The following ERICH2 variants were observed in gnomAD, a reference collection of about 807,000 sequenced individuals.
ERICH2 encodes glutamate-rich protein 2.
ERICH2 carries 17 observed loss-of-function variants against 17.4 expected under a neutral mutation model. The observed-to-expected ratio is 0.98, with a 90% CI of 0.67 to 1.47. The LOEUF is 1.47. ERICH2 is among the 40% of genes most tolerant of loss of function. The probability of loss-of-function intolerance (pLI) is 0.00; values close to 1 mark genes in which losing one functional copy is unlikely to be tolerated. For missense variants in ERICH2, 186 were observed against 183.2 expected (o/e 1.01, Z -0.09); for synonymous variants, 51 against 61.1 (o/e 0.83, Z 0.77).
chr2:170,786,444 A>T (rs894070926), intron 2 of ERICH2, among the ~76,000 whole-genome samples: 1 of 151,754 alleles, frequency 6.6e-6, no homozygotes, highest in African/African-American at 2.4e-5. Context: ...CTTCCATATT[A>T]TTTTATTTCA....
chr2:170,795,737 C>G (rs1032675205), intron 3 of ERICH2, among the ~76,000 whole-genome samples: 8 of 152,130 alleles, frequency 5.3e-5, no homozygotes, highest in Non-Finnish European at 1.0e-4. Context: ...AGATTTGGTG[C>G]CAATCAATCT....
chr2:170,773,290 C>T, the ERICH2 span, among the ~76,000 whole-genome samples: 1 of 152,226 alleles, frequency 6.6e-6, no homozygotes, highest in Non-Finnish European at 1.5e-5. Flanking sequence ...TAGGAAAGAA[C>T]AAGGGCAGCT....
the ERICH2 span, chr2:170,771,022 C>A: frequency 6.7e-6 from 1 of 150,174 alleles, no homozygotes; most frequent in South Asian, 2.0e-4. The surrounding 1 kb of genome is among the most constrained non-coding windows in gnomAD (Gnocchi z 4.8). Context: ...CCCAATTCCC[C>A]CAGCCCCCAC....
At chr2:170,780,051 A>T (rs761441498), upstream of ERICH2, among the ~76,000 whole-genome samples, 2 of 152,236 alleles carry the variant, frequency 1.3e-5, no homozygotes, top group African/African-American at 4.8e-5. Context: ...AACTTAGGTT[A>T]TCTGCCCTCT....
the ERICH2 span, among the ~76,000 whole-genome samples, chr2:170,772,013 A>G: frequency 2.2e-4 from 33 of 152,346 alleles, no homozygotes; most frequent in African/African-American, 7.9e-4. Context: ...CCCCAAATCC[A>G]ACTTATTTTT....
chr2:170,772,111 C>A, the ERICH2 span, among the ~76,000 whole-genome samples: 3 of 152,070 alleles, frequency 2.0e-5, no homozygotes, highest in African/African-American at 4.8e-5. Flanking sequence ...TTTCTCTTTA[C>A]GTGTTAAGAG....
chr2:170,792,866 C>T, exon 3 of ERICH2: 1 of 1,509,924 alleles, frequency 6.6e-7, no homozygotes, highest in Non-Finnish European at 8.9e-7. Flanking sequence ...TTTCCAGTTT[C>T]TGAGAGCAGA....
upstream of ERICH2, among the ~76,000 whole-genome samples, chr2:170,780,704 G>A (rs1402324213): frequency 6.6e-6 from 1 of 151,780 alleles, no homozygotes; most frequent in Admixed American, 6.6e-5. Flanking sequence ...CTTATATTTG[G>A]CAATATATTT....
intron 4 of ERICH2, 41 bp from the exon 10 acceptor site, chr2:170,798,729 T>C (rs995896699): frequency 1.3e-6 from 2 of 1,546,376 alleles, no homozygotes; most frequent in African/African-American, 2.7e-5. Context: ...GAGTGAAATA[T>C]TAAGAAACAC....
At chr2:170,791,654 C>G in intron 2 of ERICH2, among the ~76,000 whole-genome samples, 1 of 151,502 alleles carries the variant, frequency 6.6e-6, no homozygotes, top group Non-Finnish European at 1.5e-5. Context: ...CGCGCCACTG[C>G]GCTCCAGCCT....
In ERICH2 at chr2:170,784,114, T is replaced by C. The variant is rs541075705; in HGVS notation, c.28+248T>C. Among the ~76,000 whole-genome samples, 134 of 152,174 alleles carry C rather than the reference T, an allele frequency of 8.8e-4. 1 individual carries two copies. The highest frequency in any genetic ancestry group is 3.0e-3 in the African/African-American group (123 of 41,522). ...AGAGTAGCTCATGGCTACCTTCCCATCAAAGAAGGCATCTCAGAGACTTCC... is the reference window on the plus strand; with the variant it reads ...AGAGTAGCTCATGGCTACCTTCCCACCAAAGAAGGCATCTCAGAGACTTCC... On this transcript the variant is annotated intron_variant, in intron 1 of 4. Transcript: ENST00000409885.
upstream of ERICH2, chr2:170,779,756 AAT>A (rs1432483367): frequency 1.4e-6 from 1 of 722,856 alleles, no homozygotes; most frequent in African/African-American, 1.9e-5. Context: ...TAAAATGAAT[AAT>A]GAGCTATTTT....
intron 2 of ERICH2, among the ~76,000 whole-genome samples, chr2:170,789,909 A>G (rs1471089674): frequency 6.6e-6 from 1 of 152,160 alleles, no homozygotes; most frequent in South Asian, 2.1e-4. Context: ...GTGCTTTAAA[A>G]TAATCCAGAC....
intron 3 of ERICH2, among the ~76,000 whole-genome samples, chr2:170,796,452 T>TTTTGC (rs373654461): frequency 7.2e-6 from 1 of 138,332 alleles, no homozygotes; most frequent in Non-Finnish European, 1.6e-5. Context: ...TTTTTTTTTT[T>TTTTGC]TGAGACAGCG....
At chr2:170,797,684 C>T (rs1272433302) in intron 3 of ERICH2, among the ~76,000 whole-genome samples, 1 of 150,970 alleles carries the variant, frequency 6.6e-6, no homozygotes, top group Non-Finnish European at 1.5e-5. Context: ...TGTAGCTACT[C>T]AGGAAACTGA....
At chr2:170,774,469 G>A in the ERICH2 span, among the ~76,000 whole-genome samples, 1 of 151,988 alleles carries the variant, frequency 6.6e-6, no homozygotes, top group South Asian at 2.1e-4. Context: ...ATGGAAGAAT[G>A]GAATCTTAAA....
At chr2:170,785,775 G>T (rs554314949) in intron 2 of ERICH2, among the ~76,000 whole-genome samples, 25 of 152,206 alleles carry the variant, frequency 1.6e-4, no homozygotes, top group African/African-American at 4.6e-4. Context: ...ACTGGCATCA[G>T]AAAAGGCATA....
chr2:170,781,421 G>C (rs1377725184), upstream of ERICH2, among the ~76,000 whole-genome samples: 5 of 152,000 alleles, frequency 3.3e-5, no homozygotes, highest in Admixed American at 6.6e-5. Flanking sequence ...GGATCACAAG[G>C]TCAGGAGTTC....
At chr2:170,796,422 C>G (rs1239986058) in intron 3 of ERICH2, among the ~76,000 whole-genome samples, 13 of 79,852 alleles carry the variant, frequency 1.6e-4, no homozygotes, top group South Asian at 1.1e-3. Flanking sequence ...CTCTCTCTCT[C>G]TCTTTGTTTT....
Sources: gnomAD v4.1 joint callset for allele counts (sites outside exome capture counted in the v4.1 genomes callset) on GRCh38, gnomAD v4.1.1 for gene constraint, Gnocchi (gnomAD v3.1) non-coding constraint, MANE v1.5 for transcripts, NCBI Gene and HGNC (gene_info 2026-07-23, HGNC 2026-07-21) for gene names.